Variants in PIK3CB observed in about 807,000 individuals in gnomAD.
The protein encoded by PIK3CB is phosphatidylinositol-4,5-bisphosphate 3-kinase catalytic subunit beta, also known as phosphatidylinositol 4,5-bisphosphate 3-kinase catalytic subunit beta isoform.
A neutral mutation model predicts 136.8 loss-of-function variants in PIK3CB; 39 were observed. The observed-to-expected ratio is 0.29, with a 90% CI of 0.22 to 0.37. The LOEUF is 0.37. PIK3CB is among the 10% of genes least tolerant of loss of function. The pLI, the probability that PIK3CB is intolerant of heterozygous loss-of-function variation, is 1.00. For missense variants in PIK3CB, 868 were observed against 1,275.4 expected (o/e 0.68, Z 4.87); for synonymous variants, 428 against 436.6 (o/e 0.98, Z 0.25).
chr3:138,792,285 T>C (rs1354944085), intron 2 of PIK3CB, among the ~76,000 whole-genome samples: 1 of 152,240 alleles, frequency 6.6e-6, no homozygotes, highest in East Asian at 1.9e-4. Flanking sequence ...CTATTGTCAT[T>C]ATTCCCTAAA....
chr3:138,698,784 C>T (rs1200154780), intron 13 of PIK3CB, 123 bp downstream of exon 13: 4 of 549,236 alleles, frequency 7.3e-6, no homozygotes, highest in African/African-American at 3.8e-5. Context: ...TTTAAAACCT[C>T]AAAATTTCTC....
At position 138,712,766 on chromosome 3, in the gene PIK3CB, C is replaced by A. The variant is rs961862892; in HGVS notation, c.1303-462G>T. ...CCTTTTAGTGGAGACGGGGTTTTGC[C>A]GTGTAGGACAGGCTGGTCTCAAACT... On this transcript the variant is annotated intron_variant, in intron 9 of 23. Coordinates refer to ENST00000674063, the MANE Select transcript of PIK3CB (RefSeq NM_006219.3). 2.0e-5 allele frequency among the ~76,000 whole-genome samples: 3 copies of A among 151,968 alleles called. No individual in the cohort carries two copies. The East Asian group carries it at 5.8e-4, about 29-fold the overall frequency.
intron 19 of PIK3CB, among the ~76,000 whole-genome samples, chr3:138,675,195 AG>A: frequency 6.6e-6 from 1 of 152,232 alleles, no homozygotes; most frequent in East Asian, 1.9e-4. Flanking sequence ...AAAATTCACC[AG>A]GTAGACACAA....
chr3:138,831,261 T>TATAAAATA (rs1553745232), intron 1 of PIK3CB, among the ~76,000 whole-genome samples: 6,698 of 145,466 alleles, frequency 0.046, 226 homozygotes, highest in South Asian at 0.13. Flanking sequence ...CCGTCTCAAA[T>TATAAAATA]AAATAAAATA....
chr3:138,685,833 T>C (rs989729702), intron 16 of PIK3CB, among the ~76,000 whole-genome samples: 3 of 151,944 alleles, frequency 2.0e-5, no homozygotes, highest in Non-Finnish European at 2.9e-5. Context: ...ATCAAAACCA[T>C]TATGTTTAAA....
At position 138,788,521 on chromosome 3, in the gene PIK3CB, G is replaced by A. The variant is rs906018849; in HGVS notation, c.-17+7942C>T. Among the ~76,000 whole-genome samples the A allele has an allele frequency of 3.3e-5, 5 of 150,346 alleles. No homozygotes were observed. The East Asian group carries it at 1.0e-3, about 31-fold the overall frequency. On this transcript the variant is annotated intron_variant, in intron 2 of 23. Transcript: ENST00000674063. Reference sequence around the variant, plus strand: ...AAAATACAAAAATTAGCCAGGCCTGGTGGCATGCGCCTGTAATCCCAGCTA... The same window carrying A: ...AAAATACAAAAATTAGCCAGGCCTGATGGCATGCGCCTGTAATCCCAGCTA...
At chr3:138,733,711 T>A (rs2045040024) in intron 7 of PIK3CB, among the ~76,000 whole-genome samples, 1 of 152,164 alleles carries the variant, frequency 6.6e-6, no homozygotes, top group East Asian at 1.9e-4. Context: ...ACCCCGTCTC[T>A]ACTAAAAATA....
chr3:138,745,663 T>C (rs552772708), intron 4 of PIK3CB, among the ~76,000 whole-genome samples: 1 of 152,148 alleles, frequency 6.6e-6, no homozygotes, highest in African/African-American at 2.4e-5. Context: ...ACTGGCAAAG[T>C]AGTTCCTGAC....
At chr3:138,766,208 ACTGCTATTTT>A (rs1423697479) in intron 2 of PIK3CB, among the ~76,000 whole-genome samples, 2 of 152,184 alleles carry the variant, frequency 1.3e-5, no homozygotes, top group South Asian at 2.1e-4. Flanking sequence ...TGACTATAAA[ACTGCTATTTT>A]CAGGATAAGG....
intron 2 of PIK3CB, among the ~76,000 whole-genome samples, chr3:138,764,509 A>G (rs914061232): frequency 6.6e-6 from 1 of 152,152 alleles, no homozygotes; most frequent in Non-Finnish European, 1.5e-5. Flanking sequence ...TCACACCTAT[A>G]ATCCTAGCAC....
chr3:138,758,719 T>C (rs1453090266), intron 3 of PIK3CB, among the ~76,000 whole-genome samples: 2 of 152,184 alleles, frequency 1.3e-5, no homozygotes, highest in Non-Finnish European at 2.9e-5. Context: ...AAAGAAAGTT[T>C]AGAAAAACAA....
intron 19 of PIK3CB, among the ~76,000 whole-genome samples, 182 bp downstream of exon 19, chr3:138,681,785 T>C (rs1194927947): frequency 6.6e-6 from 1 of 152,196 alleles, no homozygotes; most frequent in Non-Finnish European, 1.5e-5. Flanking sequence ...CATGTGTAGT[T>C]TTAAACTGAA....
chr3:138,794,787 C>T (rs1469709704), intron 2 of PIK3CB, among the ~76,000 whole-genome samples: 3 of 152,112 alleles, frequency 2.0e-5, no homozygotes, highest in Non-Finnish European at 1.5e-5. Flanking sequence ...GTTTCCAGAA[C>T]CCTTGCAGAC....
At chr3:138,803,098 G>C (rs1450550827) in intron 1 of PIK3CB, among the ~76,000 whole-genome samples, 8 of 152,162 alleles carry the variant, frequency 5.3e-5, no homozygotes, top group African/African-American at 1.9e-4. Context: ...AGACCTGAGG[G>C]AACAAGGAAA....
At position 138,662,015 on chromosome 3, in the gene PIK3CB, G is replaced by A. The variant is rs529228488; in HGVS notation, c.2796+1891C>T. On this transcript the variant is annotated intron_variant, in intron 21 of 23. Transcript: ENST00000674063. ...CCAGAATGCTATTACTCACACGACT[G>A]TTCTCCCTTCTCCCATATATAATTA... Among the ~76,000 whole-genome samples, 45 of 151,410 alleles carry A rather than the reference G, an allele frequency of 3.0e-4. No individual in the cohort carries two copies. In the South Asian group the frequency reaches 9.2e-3, roughly 31 times the overall value.
chr3:138,809,276 T>C (rs926781815), intron 1 of PIK3CB, among the ~76,000 whole-genome samples: 1 of 145,088 alleles, frequency 6.9e-6, no homozygotes, highest in Non-Finnish European at 1.5e-5. Context: ...AGATTCTGTC[T>C]CAAAAAAAAA....
intron 11 of PIK3CB, among the ~76,000 whole-genome samples, chr3:138,705,487 T>G (rs529671571): frequency 2.0e-5 from 3 of 152,120 alleles, no homozygotes; most frequent in African/African-American, 4.8e-5. Flanking sequence ...AAATTTATAT[T>G]ATAAGCACAA....
chr3:138,789,763 G>A (rs114508025), intron 2 of PIK3CB, among the ~76,000 whole-genome samples: 77 of 149,442 alleles, frequency 5.2e-4, no homozygotes, highest in African/African-American at 1.8e-3. Context: ...GTGTGATCTC[G>A]GCACAAGCTC....
intron 1 of PIK3CB, among the ~76,000 whole-genome samples, chr3:138,819,735 G>A (rs768585953): frequency 3.9e-5 from 6 of 152,116 alleles, no homozygotes; most frequent in Non-Finnish European, 8.8e-5. Flanking sequence ...AACGCTTTAG[G>A]AGGCCAAGGC....
Sources: allele counts gnomAD v4.1 joint callset (sites outside exome capture counted in the v4.1 genomes callset), GRCh38; gene constraint gnomAD v4.1.1; transcripts MANE v1.5; gene names NCBI Gene and HGNC (gene_info 2026-07-23, HGNC 2026-07-21).